Variants in NBEA observed in about 807,000 individuals in gnomAD.
The protein encoded by NBEA is lysosomal-trafficking regulator 2.
In NBEA, 44 loss-of-function variants were observed where a neutral mutation model predicts 343.4. The ratio of observed to expected loss-of-function variants is 0.13; its 90% CI spans 0.10 to 0.16. The LOEUF (loss-of-function observed/expected upper bound fraction) is 0.16. Ranked by LOEUF, NBEA falls within the 10% of genes least tolerant of loss-of-function variation. The pLI is 1.00. For synonymous variants in NBEA, 1,175 were observed against 1,238.7 expected (o/e 0.95, Z 1.08); for missense variants, 2,555 against 3,631.3 (o/e 0.70, Z 7.62).
At chr13:35,508,190 C>T (rs2077143387) in intron 41 of NBEA, among the ~76,000 whole-genome samples, 1 of 152,048 alleles carries the variant, frequency 6.6e-6, no homozygotes, top group Non-Finnish European at 1.5e-5. Flanking sequence ...AATCCTTGGA[C>T]CATCACATAT....
chr13:34,957,058 TATAC>T (rs1009329615), intron 1 of NBEA, among the ~76,000 whole-genome samples: 7 of 152,004 alleles, frequency 4.6e-5, no homozygotes, highest in Non-Finnish European at 8.8e-5. Flanking sequence ...CACACACATA[TATAC>T]ATACATATGT....
chr13:35,628,137 T>G lies in NBEA; in HGVS notation c.7506T>G (p.Phe2502Leu). ...TTCATCAGTGGATCGACCTTATATT[T>G]GGCTATAAGCAGCGAGGACCAGAAG... ...CQLHQWIDLI[F>L]GYKQRGPEAV... Residue 2502 changes from phenylalanine to leucine, a missense_variant, in exon 49 of 59, where the codon TTT becomes TTG. This residue lies in a region of NBEA where 11 missense variants were observed against 33.2 expected (regional missense o/e 0.33). Transcript: ENST00000379939. The G allele has an allele frequency of 1.2e-6, 2 of 1,613,376 alleles. No individual in the cohort carries two copies. The highest frequency in any genetic ancestry group is 1.7e-5 in the Admixed American group (1 of 59,966).
chr13:35,605,357 G>A (rs2082242110), intron 47 of NBEA, among the ~76,000 whole-genome samples: 1 of 152,162 alleles, frequency 6.6e-6, no homozygotes, highest in South Asian at 2.1e-4. Flanking sequence ...AACTCGTGAA[G>A]AGAAAGATTT....
chr13:35,069,800 T>G (rs569954673), intron 8 of NBEA, 108 bp from the exon 9 acceptor site: 1 of 671,438 alleles, frequency 1.5e-6, no homozygotes, highest in African/African-American at 1.9e-5. Context: ...CCCTGACACA[T>G]GAAAGGTACA....
At chr13:35,352,355 T>A (rs370033676) in intron 38 of NBEA, 32 bp downstream of exon 38, 647 of 1,259,912 alleles carry the variant, frequency 5.1e-4, no homozygotes, top group Middle Eastern at 1.3e-3. Flanking sequence ...TAAATAATAA[T>A]TCATAGGTTA....
intron 2 of NBEA, among the ~76,000 whole-genome samples, chr13:35,041,435 G>T (rs2062645348): frequency 6.6e-6 from 1 of 151,834 alleles, no homozygotes; most frequent in Admixed American, 6.6e-5. Flanking sequence ...AAATCTATCA[G>T]AAAAATAAAC....
At chr13:35,177,421 G>T (rs1012282736) in intron 28 of NBEA, among the ~76,000 whole-genome samples, 15 of 151,864 alleles carry the variant, frequency 9.9e-5, no homozygotes, top group African/African-American at 2.9e-4. Context: ...TCCATTTGCA[G>T]GTACTAAAAA....
At chr13:35,132,695 A>G (rs147747762) in intron 17 of NBEA, among the ~76,000 whole-genome samples, 67 of 152,326 alleles carry the variant, frequency 4.4e-4, no homozygotes, top group African/African-American at 1.5e-3. Context: ...AATGTCCAGA[A>G]TGCAAATAAG....
intron 53 of NBEA, among the ~76,000 whole-genome samples, chr13:35,652,307 C>T (rs1263634419): frequency 6.8e-6 from 1 of 148,018 alleles, no homozygotes; most frequent in South Asian, 2.1e-4. Context: ...AACAAACCTG[C>T]ACATTGTGCA....
At chr13:35,241,661 G>T (rs1267586913) in intron 34 of NBEA, among the ~76,000 whole-genome samples, 1 of 151,724 alleles carries the variant, frequency 6.6e-6, no homozygotes, top group Non-Finnish European at 1.5e-5. Context: ...TTCTCCCAAA[G>T]AAAAAATGAA....
At chr13:35,423,723 C>G (rs1279173619) in intron 38 of NBEA, among the ~76,000 whole-genome samples, 1 of 152,124 alleles carries the variant, frequency 6.6e-6, no homozygotes, top group Non-Finnish European at 1.5e-5. Flanking sequence ...GGCATTGAAT[C>G]TATAAATTAC....
At chr13:35,412,703 C>G (rs1056498086) in intron 38 of NBEA, among the ~76,000 whole-genome samples, 5 of 151,972 alleles carry the variant, frequency 3.3e-5, no homozygotes, top group African/African-American at 9.7e-5. Flanking sequence ...GTATTTAGTA[C>G]TGGTTTTAGA....
intron 30 of NBEA, chr13:35,186,742 C>T (rs2071735414): frequency 1.3e-5 from 2 of 152,030 alleles, no homozygotes; most frequent in East Asian, 1.9e-4. Context: ...GCATTTGGGA[C>T]GTGAGGATCA....
At chr13:35,081,528 C>CTT (rs879618877) in intron 10 of NBEA, among the ~76,000 whole-genome samples, 1 of 143,314 alleles carries the variant, frequency 7.0e-6, no homozygotes, top group African/African-American at 2.6e-5. Flanking sequence ...GATGGGCAAG[C>CTT]TTTTTTTTTT....
chr13:35,082,975 A>G (rs1164131109), intron 10 of NBEA, among the ~76,000 whole-genome samples: 1 of 152,052 alleles, frequency 6.6e-6, no homozygotes, highest in African/African-American at 2.4e-5. Context: ...TTGGTGTTTT[A>G]GTCATGAAGT....
chr13:34,991,969 T>C (rs1487694024), intron 1 of NBEA, among the ~76,000 whole-genome samples: 1 of 149,810 alleles, frequency 6.7e-6, no homozygotes, highest in Admixed American at 6.6e-5. Flanking sequence ...CACTGTCTTA[T>C]GGTTGTTTTT....
chr13:35,111,066 T>G (rs914588384), intron 13 of NBEA, 88 bp downstream of exon 13: 1 of 1,047,620 alleles, frequency 9.5e-7, no homozygotes, highest in East Asian at 2.8e-5. Context: ...TACATGACTA[T>G]GAAATCACTG....
intron 22 of NBEA, among the ~76,000 whole-genome samples, chr13:35,160,417 T>G (rs954845285): frequency 1.3e-5 from 2 of 152,122 alleles, no homozygotes; most frequent in Non-Finnish European, 2.9e-5. Flanking sequence ...ATTTTAACCT[T>G]TTAAGCTTCA....
At chr13:35,035,781 TTA>T (rs1464860592) in intron 1 of NBEA, among the ~76,000 whole-genome samples, 4 of 152,096 alleles carry the variant, frequency 2.6e-5, no homozygotes, top group African/African-American at 9.7e-5. Flanking sequence ...TTGTCTCTTT[TTA>T]TAGTTTTTGT....
Sources: gnomAD v4.1 joint callset for allele counts (sites outside exome capture counted in the v4.1 genomes callset) on GRCh38, gnomAD v4.1.1 for gene constraint, gnomAD v4.1.1 regional missense constraint, MANE v1.5 for transcripts, NCBI Gene and HGNC (gene_info 2026-07-23, HGNC 2026-07-21) for gene names.